CAMTA1: variants seen among roughly 807,000 people sequenced by gnomAD.
CAMTA1 encodes the protein calmodulin-binding transcription activator 1.
Under a neutral mutation model 170.9 loss-of-function variants are expected in CAMTA1, and 27 were observed. That is an observed-to-expected ratio of 0.16 (90% CI 0.12 to 0.22). CAMTA1 has a LOEUF of 0.22. Ranked by LOEUF, CAMTA1 falls within the 10% of genes least tolerant of loss-of-function variation. CAMTA1 has a pLI of 1.00. For missense variants in CAMTA1, 1,619 were observed against 2,217.2 expected (o/e 0.73, Z 5.42); for synonymous variants, 833 against 891.5 (o/e 0.93, Z 1.17).
intron 3 of CAMTA1, chr1:6,888,118 G>C (rs1026271829): frequency 2.0e-6 from 2 of 978,982 alleles, no homozygotes; most frequent in Admixed American, 5.0e-5. Flanking sequence ...ATGAGAGCAG[G>C]GCCTTTGTCT....
At chr1:7,001,055 T>TAAG (rs1572349565) in intron 3 of CAMTA1, among the ~76,000 whole-genome samples, 1 of 152,244 alleles carries the variant, frequency 6.6e-6, no homozygotes, top group Admixed American at 6.5e-5. Flanking sequence ...TTAATTTCTT[T>TAAG]AGTTTTAAGG....
At chr1:7,094,456 G>C (rs1269342552) in intron 4 of CAMTA1, among the ~76,000 whole-genome samples, 1 of 152,188 alleles carries the variant, frequency 6.6e-6, no homozygotes, top group East Asian at 1.9e-4. Context: ...TTGCACCACT[G>C]ACATTTATAG....
intron 6 of CAMTA1, among the ~76,000 whole-genome samples, chr1:7,506,244 G>A (rs1273574703): frequency 6.6e-6 from 1 of 152,136 alleles, no homozygotes; most frequent in Non-Finnish European, 1.5e-5. Context: ...GCAAAGGAGA[G>A]CAGGGGTGGG....
At chr1:6,827,534 T>A (rs1365166595) in intron 3 of CAMTA1, among the ~76,000 whole-genome samples, 1 of 152,054 alleles carries the variant, frequency 6.6e-6, no homozygotes, top group African/African-American at 2.4e-5. Context: ...GATAACCTGC[T>A]ATTTTTTTTT....
At chr1:7,717,571 C>T (rs2096620151) in intron 11 of CAMTA1, among the ~76,000 whole-genome samples, 1 of 151,866 alleles carries the variant, frequency 6.6e-6, no homozygotes, top group Non-Finnish European at 1.5e-5. Context: ...CATAGTGAAA[C>T]CCTACCTCTA....
At chr1:7,355,769 C>T (rs2085065594) in intron 5 of CAMTA1, among the ~76,000 whole-genome samples, 1 of 152,246 alleles carries the variant, frequency 6.6e-6, no homozygotes, top group South Asian at 2.1e-4. Context: ...ACTCTAGCCT[C>T]ATCTCCCACC....
rs543203958 is a variant in CAMTA1 at position 7,435,802 on chromosome 1, G to A, written c.439-32028G>A. Among the ~76,000 whole-genome samples, 8 of 152,298 alleles carry A rather than the reference G, an allele frequency of 5.3e-5. No homozygotes were observed. The highest frequency in any genetic ancestry group is 3.9e-4 in the East Asian group (2 of 5,170). On this transcript the variant is annotated intron_variant, in intron 5 of 22. Transcript: ENST00000303635. The surrounding 1 kb of genome is among the most constrained non-coding windows in gnomAD (Gnocchi z 4.4). ...ACGCAGAGAGCCCTCCTCATGGCCC[G>A]GCTCAGGGAGCCACCCTCCCATTCC...
Position 7,768,113 on chromosome 1 carries a change from TAAAAAAAAA to T in CAMTA1, c.*1632_*1640del, listed in dbSNP as rs59402168. The stretch of plus-strand genomic sequence containing the variant: ...CTCCAACAAAGAACACTTAGAATGA[TAAAAAAAAA>T]AAAAAAAAACCTGACAAAAGAAATA... On this transcript the variant is annotated 3_prime_UTR_variant, in exon 23 of 23. Coordinates refer to ENST00000303635, the MANE Select transcript of CAMTA1 (RefSeq NM_015215.4). 1.5e-5 allele frequency: 2 copies of T among 136,272 alleles called. No homozygotes were observed. 8.4% of individuals were successfully genotyped at this position (136,272 alleles called of 1,614,324 possible).
chr1:7,172,689 A>T (rs1402635741), intron 4 of CAMTA1, among the ~76,000 whole-genome samples: 1 of 152,246 alleles, frequency 6.6e-6, no homozygotes, highest in Non-Finnish European at 1.5e-5. Flanking sequence ...CCTCTCAGCC[A>T]GCCTGATGTT....
At chr1:7,578,417 G>A (rs557626852) in intron 6 of CAMTA1, among the ~76,000 whole-genome samples, 11 of 152,178 alleles carry the variant, frequency 7.2e-5, no homozygotes, top group Non-Finnish European at 1.6e-4. Context: ...CAGCTTGCTC[G>A]GGAAGACCCC....
intron 4 of CAMTA1, among the ~76,000 whole-genome samples, chr1:7,178,279 A>G (rs1364955193): frequency 1.3e-5 from 2 of 152,182 alleles, no homozygotes; most frequent in Non-Finnish European, 2.9e-5. Flanking sequence ...CTCTGCCACT[A>G]TTTTTAAAAT....
chr1:7,392,293 T>G (rs1208124143), intron 5 of CAMTA1, among the ~76,000 whole-genome samples: 2 of 149,754 alleles, frequency 1.3e-5, no homozygotes, highest in Non-Finnish European at 3.0e-5. Context: ...TTTGCTCTTG[T>G]TACCCAGGCT....
intron 5 of CAMTA1, among the ~76,000 whole-genome samples, chr1:7,457,950 G>A (rs1367900404): frequency 1.3e-5 from 2 of 152,144 alleles, no homozygotes; most frequent in East Asian, 1.9e-4. Flanking sequence ...TGTCCCCCAC[G>A]GCCAGAGGCC....
chr1:6,868,551 T>C (rs1667440871), intron 3 of CAMTA1, among the ~76,000 whole-genome samples: 1 of 152,172 alleles, frequency 6.6e-6, no homozygotes, highest in Admixed American at 6.5e-5. Context: ...TGATTTAACC[T>C]TACTAGAAAT....
Position 7,736,853 on chromosome 1 carries a change from G to A in CAMTA1, c.3264-78G>A, listed in dbSNP as rs2096776386. On this transcript the variant is annotated intron_variant, in intron 13 of 22. Coordinates refer to ENST00000303635, the MANE Select transcript of CAMTA1 (RefSeq NM_015215.4). This position sits in a 1 kb window ranked among gnomAD's most constrained non-coding sequence, Gnocchi z 4.5. ...ATATACCCAGTTGGGTTTCATCTTG[G>A]TGGGGTTTTATAATATTCTGGTGTT... 1.7e-6 allele frequency: 2 copies of A among 1,187,652 alleles called. No homozygotes were observed. Among genetic ancestry groups the A allele is most frequent in the African/African-American group, 3.0e-5 (2 of 66,594 alleles). 73.6% of individuals were successfully genotyped at this position (1,187,652 alleles called of 1,614,324 possible). A position where few individuals can be genotyped will look rare whatever the true frequency, so the allele number is the denominator to read the frequency against.
In CAMTA1 at chr1:7,466,471, G is replaced by A. The variant is rs184816032; in HGVS notation, c.439-1359G>A. On this transcript the variant is annotated intron_variant, in intron 5 of 22. Transcript: ENST00000303635. ...TCTGTCAACTCTGCTAATCAGACAG[G>A]CAGGGCTCCGATGGACTCCTAGTTC... Among the ~76,000 whole-genome samples, 1,013 of 152,312 alleles carry A rather than the reference G, an allele frequency of 6.7e-3. 5 individuals carry two copies. The highest frequency in any genetic ancestry group is 0.01 in the Middle Eastern group (3 of 294).
rs1388754515 is a variant in CAMTA1, at chr1:7,510,872, C to T, written c.510+42971C>T. Among the ~76,000 whole-genome samples the T allele has an allele frequency of 1.4e-5, 2 of 144,568 alleles. 1 individual carries two copies. Among genetic ancestry groups the T allele is most frequent in the Non-Finnish European group, 3.1e-5 (2 of 64,458 alleles). The allele number at this position is 144,568 out of a possible 152,430, so 94.8% of individuals were successfully genotyped here. ...TGTTTGAGAGCATTGCTTGGGGTCC[C>T]GGTGGTTTGGGAGTCACTGTACCTT... On this transcript the variant is annotated intron_variant, in intron 6 of 22. Transcript: ENST00000303635.
At chr1:6,792,838 G>T (rs74050992) in intron 1 of CAMTA1, among the ~76,000 whole-genome samples, 1 of 152,130 alleles carries the variant, frequency 6.6e-6, no homozygotes. Context: ...AGGAAGATAT[G>T]CTTGTTTGGG....
In CAMTA1 at chr1:7,050,901, C is replaced by T. The variant is rs779186618; in HGVS notation, c.235-40403C>T. ...AGCGCTGGCCATTCGTCTTGAGGCC[C>T]CACTGCAGGGAGCAGCGCTGGAAGC... On this transcript the variant is annotated intron_variant, in intron 3 of 22. Coordinates refer to ENST00000303635, the MANE Select transcript of CAMTA1 (RefSeq NM_015215.4). The surrounding 1 kb of genome is among the most constrained non-coding windows in gnomAD (Gnocchi z 4.8). Among the ~76,000 whole-genome samples, 3 of 152,166 alleles carry T rather than the reference C, an allele frequency of 2.0e-5. No homozygotes were observed. Among genetic ancestry groups the T allele is most frequent in the Non-Finnish European group, 4.4e-5 (3 of 68,016 alleles).
Sources: allele counts gnomAD v4.1 joint callset (sites outside exome capture counted in the v4.1 genomes callset), GRCh38; gene constraint gnomAD v4.1.1; non-coding constraint Gnocchi (gnomAD v3.1); transcripts MANE v1.5; gene names NCBI Gene and HGNC (gene_info 2026-07-23, HGNC 2026-07-21).